The following TAS2R1 variants were observed in gnomAD, a reference collection of about 807,000 sequenced individuals.
TAS2R1 encodes taste receptor type 2 member 1.
For synonymous variants in TAS2R1, 141 were observed against 134.2 expected (o/e 1.05, Z -0.35); for missense variants, 370 against 353.4 (o/e 1.05, Z -0.38).
the TAS2R1 span, among the ~76,000 whole-genome samples, chr5:9,741,349 G>A: frequency 2.0e-5 from 3 of 152,104 alleles, no homozygotes; most frequent in Admixed American, 6.5e-5. Flanking sequence ...AATGGGACCC[G>A]CTTCTCCCAT....
the TAS2R1 span, among the ~76,000 whole-genome samples, chr5:9,838,641 G>A: frequency 2.0e-5 from 3 of 152,178 alleles, no homozygotes; most frequent in Non-Finnish European, 4.4e-5. Flanking sequence ...TAAACCAGGG[G>A]TTCTGAGAGC....
At chr5:9,659,024 T>C (rs1218561190) in intron 2 of TAS2R1, among the ~76,000 whole-genome samples, 1 of 152,228 alleles carries the variant, frequency 6.6e-6, no homozygotes, top group Non-Finnish European at 1.5e-5. Context: ...GTCATGCCTG[T>C]AAATTTTATC....
At chr5:9,853,657 A>C in the TAS2R1 span, among the ~76,000 whole-genome samples, 122 of 152,288 alleles carry the variant, frequency 8.0e-4, no homozygotes, top group Middle Eastern at 6.8e-3. Context: ...CCCTGAATAC[A>C]CAAGAAACCC....
intron 1 of TAS2R1, among the ~76,000 whole-genome samples, chr5:9,673,139 T>G (rs1015076770): frequency 6.6e-6 from 1 of 152,092 alleles, no homozygotes; most frequent in African/African-American, 2.4e-5. Flanking sequence ...TGCGGCCTAC[T>G]TAAGGGTGGA....
the TAS2R1 span, among the ~76,000 whole-genome samples, chr5:9,878,295 T>A: frequency 0.012 from 1,832 of 152,324 alleles, 39 homozygotes; most frequent in African/African-American, 0.042. Flanking sequence ...AGTACCGTAT[T>A]TCCTTTTAGA....
the TAS2R1 span, among the ~76,000 whole-genome samples, chr5:9,739,120 T>C: frequency 3.3e-5 from 5 of 152,338 alleles, no homozygotes; most frequent in African/African-American, 9.6e-5. Flanking sequence ...AGCTTGGTCA[T>C]GTCATTTCCA....
At chr5:9,847,498 G>A in the TAS2R1 span, among the ~76,000 whole-genome samples, 1 of 152,304 alleles carries the variant, frequency 6.6e-6, no homozygotes, top group East Asian at 1.9e-4. Flanking sequence ...AGGATTTCTT[G>A]TTCATGTGAT....
the TAS2R1 span, among the ~76,000 whole-genome samples, chr5:9,770,431 T>C: frequency 6.6e-6 from 1 of 152,154 alleles, no homozygotes; most frequent in Non-Finnish European, 1.5e-5. Flanking sequence ...TTTAGGATTG[T>C]TTTTTCTATT....
intron 2 of TAS2R1, among the ~76,000 whole-genome samples, chr5:9,638,348 C>T (rs1740003455): frequency 6.6e-6 from 1 of 152,156 alleles, no homozygotes; most frequent in South Asian, 2.1e-4. Flanking sequence ...GTGAAGTAGA[C>T]TCTGTGAGAG....
At chr5:9,782,458 G>A in the TAS2R1 span, among the ~76,000 whole-genome samples, 1 of 152,000 alleles carries the variant, frequency 6.6e-6, no homozygotes, top group Non-Finnish European at 1.5e-5. Flanking sequence ...CTGATGGGTG[G>A]GGCGGGGCGG....
rs2126472845 is a variant in TAS2R1, at chr5:9,629,622, T to C, written c.411A>G (p.Val137=). 1.9e-6 allele frequency: 3 copies of C among 1,614,060 alleles called. No homozygotes were observed. The highest frequency in any genetic ancestry group is 3.3e-4 in the Middle Eastern group (2 of 6,062). The change falls in exon 1 of 1, where the codon GTA becomes GTG. Residue 137 remains valine, a synonymous_variant. Transcript: ENST00000382492. ...PWMILGSLLY[V]SMICVFHSKY... is the part of the protein sequence containing the mutation. ...TGCTATGGAAAACACAAATCATAGA[T>C]ACATATAGCAGAGACCCCAGGATCA...
chr5:9,876,583 C>T, the TAS2R1 span, among the ~76,000 whole-genome samples: 2 of 152,074 alleles, frequency 1.3e-5, no homozygotes, highest in African/African-American at 4.8e-5. Flanking sequence ...ATGAACATTG[C>T]CTTTGCTGGT....
chr5:9,683,054 G>C (rs1430929102), intron 1 of TAS2R1, among the ~76,000 whole-genome samples: 1 of 152,012 alleles, frequency 6.6e-6, no homozygotes, highest in Non-Finnish European at 1.5e-5. Flanking sequence ...AAAATACAAG[G>C]GCTCAGAGTA....
the TAS2R1 span, among the ~76,000 whole-genome samples, chr5:9,764,299 G>A: frequency 1.1e-4 from 16 of 152,152 alleles, no homozygotes; most frequent in African/African-American, 3.6e-4. Context: ...GATGGTGTCC[G>A]ACACATCTGT....
the TAS2R1 span, among the ~76,000 whole-genome samples, chr5:9,884,829 A>G: frequency 6.6e-6 from 1 of 152,238 alleles, no homozygotes; most frequent in Non-Finnish European, 1.5e-5. Context: ...TTGTCCAAAA[A>G]TAATCATCTC....
chr5:9,795,333 C>T, the TAS2R1 span, among the ~76,000 whole-genome samples: 3 of 152,018 alleles, frequency 2.0e-5, no homozygotes, highest in Non-Finnish European at 4.4e-5. Context: ...AGACTTTTTC[C>T]CCTTGGGGCT....
chr5:9,780,863 G>A, the TAS2R1 span, among the ~76,000 whole-genome samples: 1 of 152,204 alleles, frequency 6.6e-6, no homozygotes, highest in South Asian at 2.1e-4. Flanking sequence ...CATGCAAGTA[G>A]TTGCAGGTCT....
At chr5:9,805,896 G>A in the TAS2R1 span, among the ~76,000 whole-genome samples, 2 of 152,066 alleles carry the variant, frequency 1.3e-5, no homozygotes, top group Admixed American at 1.3e-4. Context: ...GTCCTAGCCA[G>A]AGCAATTAGA....
upstream of TAS2R1, chr5:9,712,354 G>C (rs1478424506): frequency 6.6e-6 from 1 of 152,184 alleles, no homozygotes; most frequent in Non-Finnish European, 1.5e-5. Flanking sequence ...CTGGGGTATG[G>C]TGCCCAGTAG....
Sources: gnomAD v4.1 joint callset for allele counts (sites outside exome capture counted in the v4.1 genomes callset) on GRCh38, gnomAD v4.1.1 for gene constraint, MANE v1.5 for transcripts, NCBI Gene and HGNC (gene_info 2026-07-23, HGNC 2026-07-21) for gene names.